PDK1: variants seen among roughly 807,000 people sequenced by gnomAD.
PDK1 encodes the protein [Pyruvate dehydrogenase (acetyl-transferring)] kinase isozyme 1, mitochondrial.
A neutral mutation model predicts 54.2 loss-of-function variants in PDK1; 39 were observed. The ratio of observed to expected loss-of-function variants is 0.72; its 90% CI spans 0.56 to 0.94. The LOEUF (loss-of-function observed/expected upper bound fraction) is 0.94. PDK1 is among the 40% of genes least tolerant of loss of function. The probability of loss-of-function intolerance (pLI) is 0.00; values close to 1 mark genes in which losing one functional copy is unlikely to be tolerated. For missense variants in PDK1, 552 were observed against 566.0 expected (o/e 0.98, Z 0.25); for synonymous variants, 221 against 207.1 (o/e 1.07, Z -0.58).
At chr2:172,669,011 C>T in the PDK1 span, among the ~76,000 whole-genome samples, 2 of 149,992 alleles carry the variant, frequency 1.3e-5, no homozygotes, top group Non-Finnish European at 3.0e-5. Flanking sequence ...ATAATGTCCC[C>T]TAGCTTCATC....
chr2:172,673,453 TTCTA>T, the PDK1 span, among the ~76,000 whole-genome samples: 3 of 152,162 alleles, frequency 2.0e-5, no homozygotes, highest in Admixed American at 1.3e-4. Context: ...GCTCAGGTTT[TTCTA>T]TCTATTGGGA....
chr2:172,680,182 A>T, the PDK1 span, among the ~76,000 whole-genome samples: 9 of 152,158 alleles, frequency 5.9e-5, no homozygotes, highest in Non-Finnish European at 1.2e-4. Context: ...TCACAATTGC[A>T]TATTAGTAAT....
In PDK1 at chr2:172,604,994, C is replaced by T. The variant is rs1226145520; in HGVS notation, c.*9025C>T. 4 of 152,142 alleles carry T rather than the reference C, an allele frequency of 2.6e-5. No individual in the cohort carries two copies. Among genetic ancestry groups the T allele is most frequent in the Non-Finnish European group, 4.4e-5 (3 of 68,010 alleles). 9.4% of individuals were successfully genotyped at this position (152,142 alleles called of 1,614,324 possible). On this transcript the variant is annotated 3_prime_UTR_variant, in exon 11 of 11. Coordinates refer to ENST00000282077, the MANE Select transcript of PDK1 (RefSeq NM_002610.5). ...ATTCAAGATCTCAGCCCCAAAGATA[C>T]ATTTGTAGATGCCAGGCTTAACATT...
chr2:172,674,814 C>T, the PDK1 span: 1 of 152,284 alleles, frequency 6.6e-6, no homozygotes, highest in Non-Finnish European at 1.5e-5. Flanking sequence ...TGCAGGCTGC[C>T]GGGCCGGGCC....
At position 172,606,302 on chromosome 2, in the gene PDK1, T is replaced by G. The variant is rs1342096262; in HGVS notation, c.*10333T>G. On this transcript the variant is annotated 3_prime_UTR_variant, in exon 11 of 11. Coordinates refer to ENST00000282077, the MANE Select transcript of PDK1 (RefSeq NM_002610.5). ...CCTCTGGAAGGTAAAGAAGATCTCCTCTCTCTTAGAACTTAATCAAACTCT... is the reference window on the plus strand; with the variant it reads ...CCTCTGGAAGGTAAAGAAGATCTCCGCTCTCTTAGAACTTAATCAAACTCT... 3 of 152,222 alleles carry G rather than the reference T, an allele frequency of 2.0e-5. No individual in the cohort carries two copies. Among genetic ancestry groups the G allele is most frequent in the African/African-American group, 4.8e-5 (2 of 41,444 alleles). 9.4% of individuals were successfully genotyped at this position (152,222 alleles called of 1,614,324 possible).
the PDK1 span, chr2:172,723,872 T>C: frequency 6.6e-6 from 1 of 152,202 alleles, no homozygotes; most frequent in African/African-American, 2.4e-5. Flanking sequence ...GTGGTCACTG[T>C]TGGAGAATCT....
chr2:172,637,840 C>T, the PDK1 span, among the ~76,000 whole-genome samples: 12 of 152,016 alleles, frequency 7.9e-5, no homozygotes, highest in African/African-American at 1.2e-4. Flanking sequence ...GGACTACAGG[C>T]GCACACCACC....
At chr2:172,638,287 C>T in the PDK1 span, among the ~76,000 whole-genome samples, 1 of 152,190 alleles carries the variant, frequency 6.6e-6, no homozygotes, top group Admixed American at 6.5e-5. Context: ...CTCGTTACTA[C>T]AAAGCCAAAA....
intron 2 of PDK1, among the ~76,000 whole-genome samples, chr2:172,561,590 A>G (rs1240090891): frequency 6.6e-6 from 1 of 152,252 alleles, no homozygotes; most frequent in Non-Finnish European, 1.5e-5. Context: ...CAAGACCATC[A>G]GAAAATCATT....
chr2:172,683,478 G>A, the PDK1 span, among the ~76,000 whole-genome samples: 5 of 152,188 alleles, frequency 3.3e-5, no homozygotes, highest in Non-Finnish European at 5.9e-5. Flanking sequence ...AGTCATGGCA[G>A]AAGGTGAAGG....
intron 2 of PDK1, among the ~76,000 whole-genome samples, chr2:172,560,704 TA>T (rs1348484558): frequency 6.6e-6 from 1 of 152,250 alleles, no homozygotes; most frequent in Non-Finnish European, 1.5e-5. Flanking sequence ...TTTTCTGTTT[TA>T]AAACAATTAG....
At chr2:172,608,937 C>T (rs1054258409), downstream of PDK1, among the ~76,000 whole-genome samples, 2 of 152,070 alleles carry the variant, frequency 1.3e-5, no homozygotes, top group Non-Finnish European at 2.9e-5. Flanking sequence ...TTTTCATAAA[C>T]CACATTAAAT....
the PDK1 span, among the ~76,000 whole-genome samples, chr2:172,673,306 G>A: frequency 6.6e-3 from 1,006 of 152,214 alleles, 9 homozygotes; most frequent in African/African-American, 0.022. Flanking sequence ...GTTCAATTGA[G>A]GCATTCTTCC....
At chr2:172,703,960 G>T in the PDK1 span, among the ~76,000 whole-genome samples, 1 of 151,318 alleles carries the variant, frequency 6.6e-6, no homozygotes, top group African/African-American at 2.4e-5. Flanking sequence ...TTTTAGTAGA[G>T]ACAGGGTTTC....
the PDK1 span, among the ~76,000 whole-genome samples, chr2:172,622,547 A>T: frequency 6.7e-6 from 1 of 148,350 alleles, no homozygotes; most frequent in Admixed American, 6.7e-5. Context: ...AGATATGTTT[A>T]TATCATGTGA....
chr2:172,675,626 A>G, the PDK1 span, among the ~76,000 whole-genome samples: 1 of 152,214 alleles, frequency 6.6e-6, no homozygotes, highest in East Asian at 1.9e-4. Flanking sequence ...TGAAGCTACT[A>G]GAGGTGGGTC....
At chr2:172,686,189 C>T in the PDK1 span, among the ~76,000 whole-genome samples, 1 of 152,188 alleles carries the variant, frequency 6.6e-6, no homozygotes, top group Admixed American at 6.5e-5. Context: ...GGAATCGTGG[C>T]CCTAGAAACA....
the PDK1 span, among the ~76,000 whole-genome samples, chr2:172,706,374 A>G: frequency 6.7e-6 from 1 of 150,340 alleles, no homozygotes; most frequent in Admixed American, 6.6e-5. Context: ...TTGTCAGACA[A>G]TTCCAACATC....
chr2:172,696,172 CAA>C, the PDK1 span, among the ~76,000 whole-genome samples: 68 of 121,930 alleles, frequency 5.6e-4, no homozygotes, highest in Middle Eastern at 0.017. Flanking sequence ...AACTCTGTCT[CAA>C]AAAAAAAAAA....
Sources: gnomAD v4.1 joint callset for allele counts (sites outside exome capture counted in the v4.1 genomes callset) on GRCh38, gnomAD v4.1.1 for gene constraint, MANE v1.5 for transcripts, NCBI Gene and HGNC (gene_info 2026-07-23, HGNC 2026-07-21) for gene names.